Variants in PRKCB observed in about 807,000 individuals in gnomAD.
The protein encoded by PRKCB is protein kinase C beta, also known as protein kinase C beta type.
A neutral mutation model predicts 81.5 loss-of-function variants in PRKCB; 13 were observed. The observed-to-expected ratio is 0.16, with a 90% CI of 0.10 to 0.25. The LOEUF (loss-of-function observed/expected upper bound fraction) is 0.25. PRKCB is among the 10% of genes least tolerant of loss of function. The probability of loss-of-function intolerance (pLI) is 1.00; values close to 1 mark genes in which losing one functional copy is unlikely to be tolerated. For synonymous variants in PRKCB, 335 were observed against 321.4 expected (o/e 1.04, Z -0.45); for missense variants, 509 against 875.7 (o/e 0.58, Z 5.29).
chr16:24,097,641 T>A (rs1317561755), intron 7 of PRKCB, among the ~76,000 whole-genome samples: 1 of 152,182 alleles, frequency 6.6e-6, no homozygotes, highest in Non-Finnish European at 1.5e-5. Context: ...CAGGAGATCC[T>A]GATGACATGG....
chr16:24,042,026 T>C (rs1965704183), intron 5 of PRKCB, among the ~76,000 whole-genome samples: 1 of 151,608 alleles, frequency 6.6e-6, no homozygotes, highest in Non-Finnish European at 1.5e-5. Flanking sequence ...AAGGGCAATG[T>C]AAACAAGAAA....
chr16:24,202,826 A>G (rs2141987835), intron 16 of PRKCB, among the ~76,000 whole-genome samples: 1 of 150,094 alleles, frequency 6.7e-6, no homozygotes, highest in Admixed American at 6.6e-5. Flanking sequence ...TCTGTAGGAA[A>G]AGTTCAGAGT....
intron 16 of PRKCB, chr16:24,208,355 G>T (rs1039721506): frequency 1.3e-5 from 2 of 152,208 alleles, no homozygotes; most frequent in African/African-American, 4.8e-5. Flanking sequence ...GCAAGACTCT[G>T]TTATTAATTC....
intron 9 of PRKCB, among the ~76,000 whole-genome samples, chr16:24,150,943 A>T (rs938665012): frequency 5.3e-5 from 8 of 152,198 alleles, no homozygotes; most frequent in Admixed American, 4.6e-4. Context: ...AGACACTGGG[A>T]ATCTTCACAC....
chr16:24,010,021 A>G (rs1394397083), intron 3 of PRKCB, among the ~76,000 whole-genome samples: 1 of 152,198 alleles, frequency 6.6e-6, no homozygotes, highest in Non-Finnish European at 1.5e-5. Context: ...ACCAAAAAAC[A>G]GAATTATAGA....
chr16:23,855,336 T>C (rs3785404), intron 2 of PRKCB, among the ~76,000 whole-genome samples: 129,892 of 152,140 alleles, frequency 0.85, 55,573 homozygotes, highest in East Asian at 0.99. Flanking sequence ...GCATCTTTCT[T>C]TTTAATCTTC....
Position 24,191,155 on chromosome 16 carries a change from G to A in PRKCB, c.1788G>A (p.Glu596=), listed in dbSNP as rs1468460677. ...CGPEGERDIK[E]HAFFRYIDWE... Reference sequence around the variant, plus strand: ...CTGAAGGCGAACGTGATATCAAAGAGCATGCATTTTTCCGGTATATTGATT... The same window carrying A: ...CTGAAGGCGAACGTGATATCAAAGAACATGCATTTTTCCGGTATATTGATT... The change falls in exon 16 of 17, where the codon GAG becomes GAA. Residue 596 remains glutamate, a synonymous_variant. Transcript: ENST00000643927. 2 of 1,614,136 alleles carry A rather than the reference G, an allele frequency of 1.2e-6. No individual in the cohort carries two copies. The highest frequency in any genetic ancestry group is 1.7e-5 in the Admixed American group (1 of 60,022).
intron 2 of PRKCB, among the ~76,000 whole-genome samples, chr16:23,873,705 A>G (rs1481089856): frequency 1.3e-5 from 2 of 152,230 alleles, no homozygotes; most frequent in Admixed American, 6.5e-5. Flanking sequence ...AAGATGCTAT[A>G]GCTGGGCTCC....
chr16:23,942,467 A>G (rs1415404458), intron 2 of PRKCB, among the ~76,000 whole-genome samples: 1 of 152,200 alleles, frequency 6.6e-6, no homozygotes, highest in Admixed American at 6.5e-5. Flanking sequence ...AGCTTGGAGC[A>G]TTGGAGTTTG....
At chr16:24,125,212 C>T (rs1966841124) in intron 9 of PRKCB, among the ~76,000 whole-genome samples, 1 of 152,232 alleles carries the variant, frequency 6.6e-6, no homozygotes, top group African/African-American at 2.4e-5. Context: ...TTAAAGCTTA[C>T]ATTAGGTCAA....
intron 3 of PRKCB, among the ~76,000 whole-genome samples, chr16:24,030,194 G>C (rs924266410): frequency 1.3e-5 from 2 of 152,104 alleles, no homozygotes; most frequent in Non-Finnish European, 2.9e-5. Context: ...CACTGTACCT[G>C]GTCTGCAATG....
intron 2 of PRKCB, among the ~76,000 whole-genome samples, chr16:23,950,206 G>A (rs1964262566): frequency 6.7e-6 from 1 of 148,292 alleles, no homozygotes; most frequent in Non-Finnish European, 1.5e-5. Flanking sequence ...TGGAGGGTGG[G>A]TACACCCACA....
intron 2 of PRKCB, among the ~76,000 whole-genome samples, chr16:23,894,971 G>A (rs1160140265): frequency 6.6e-6 from 1 of 152,070 alleles, no homozygotes; most frequent in Non-Finnish European, 1.5e-5. Flanking sequence ...CTTAGGAAGA[G>A]CATAAATGGC....
intron 3 of PRKCB, among the ~76,000 whole-genome samples, chr16:24,020,562 G>A (rs1965344435): frequency 6.6e-6 from 1 of 152,154 alleles, no homozygotes; most frequent in African/African-American, 2.4e-5. Flanking sequence ...TGTGCTTGAG[G>A]TTTTATAAAG....
At chr16:24,195,454 T>C (rs1967864608) in intron 16 of PRKCB, among the ~76,000 whole-genome samples, 2 of 152,166 alleles carry the variant, frequency 1.3e-5, no homozygotes, top group Non-Finnish European at 2.9e-5. Context: ...TGCATGCTAT[T>C]AAATAGAGTG....
At chr16:23,909,660 GCA>G (rs1420958216) in intron 2 of PRKCB, among the ~76,000 whole-genome samples, 1 of 152,010 alleles carries the variant, frequency 6.6e-6, no homozygotes, top group Non-Finnish European at 1.5e-5. Flanking sequence ...CTATGTCCGT[GCA>G]CACACATTAT....
intron 16 of PRKCB, among the ~76,000 whole-genome samples, chr16:24,208,897 G>C (rs981977127): frequency 7.2e-5 from 11 of 152,188 alleles, no homozygotes; most frequent in African/African-American, 2.7e-4. Context: ...CTGATTAGCA[G>C]GGAAATCACG....
At position 24,216,039 on chromosome 16, in the gene PRKCB, C is replaced by G. The variant is rs908286541; in HGVS notation, c.*1223C>G. On this transcript the variant is annotated 3_prime_UTR_variant, in exon 17 of 17. Coordinates refer to ENST00000643927, the MANE Select transcript of PRKCB (RefSeq NM_002738.7). ...AAATACTATTTCAAGGAAAACTGCT[C>G]TTTTTGAGAAACGTGGACCTAAACT... 1.0e-6 allele frequency: 1 copy of G among 984,450 alleles called. No homozygotes were observed. The highest frequency in any genetic ancestry group is 1.2e-6 in the Non-Finnish European group (1 of 829,460). The allele number at this position is 984,450 out of a possible 1,614,324, so 61.0% of individuals were successfully genotyped here.
intron 5 of PRKCB, among the ~76,000 whole-genome samples, chr16:24,088,656 G>C (rs980351161): frequency 2.7e-5 from 4 of 149,810 alleles, no homozygotes; most frequent in African/African-American, 7.4e-5. Flanking sequence ...TTGATCCTGG[G>C]AGATCAAGGC....
Sources: gnomAD v4.1 joint callset for allele counts (sites outside exome capture counted in the v4.1 genomes callset) on GRCh38, gnomAD v4.1.1 for gene constraint, MANE v1.5 for transcripts, NCBI Gene and HGNC (gene_info 2026-07-23, HGNC 2026-07-21) for gene names.